FSIP1: variants seen among roughly 807,000 people sequenced by gnomAD.
The protein encoded by FSIP1 is fibrous sheath interacting protein 1.
Under a neutral mutation model 60.9 loss-of-function variants are expected in FSIP1, and 65 were observed. That is an observed-to-expected ratio of 1.07 (90% CI 0.87 to 1.31). FSIP1 has a LOEUF of 1.31. FSIP1 is among the 40% of genes most tolerant of loss of function. The pLI, the probability that FSIP1 is intolerant of heterozygous loss-of-function variation, is 0.00. For missense variants in FSIP1, 675 were observed against 665.5 expected (o/e 1.01, Z -0.16); for synonymous variants, 209 against 221.2 (o/e 0.94, Z 0.49).
At chr15:39,708,102 G>A (rs78063612) in intron 10 of FSIP1, among the ~76,000 whole-genome samples, 2,513 of 152,278 alleles carry the variant, frequency 0.017, 55 homozygotes, top group African/African-American at 0.054. Context: ...TAACATCTCA[G>A]ATTGTCTCCA....
chr15:39,684,611 C>A (rs189352825), intron 10 of FSIP1, among the ~76,000 whole-genome samples: 5 of 152,280 alleles, frequency 3.3e-5, no homozygotes, highest in East Asian at 3.9e-4. Context: ...TTTAGAATGT[C>A]AAATCCTAAA....
chr15:39,656,267 T>C (rs972571039), intron 10 of FSIP1, among the ~76,000 whole-genome samples: 6 of 152,220 alleles, frequency 3.9e-5, no homozygotes, highest in Non-Finnish European at 8.8e-5. Flanking sequence ...GCCTTGAGTA[T>C]TGCATGGGCC....
chr15:39,658,519 G>A (rs1179597897), intron 10 of FSIP1, among the ~76,000 whole-genome samples: 1 of 151,888 alleles, frequency 6.6e-6, no homozygotes, highest in Non-Finnish European at 1.5e-5. Flanking sequence ...CAAAGTGCTG[G>A]GATTACAGGC....
Position 39,652,265 on chromosome 15 carries a change from T to C in FSIP1, c.1189-34020A>G, listed in dbSNP as rs151096126. Among the ~76,000 whole-genome samples the C allele has an allele frequency of 9.8e-5, 15 of 152,382 alleles. No homozygotes were observed. The East Asian group carries it at 2.3e-3, about 23-fold the overall frequency. The stretch of plus-strand genomic sequence containing the variant: ...AGTGCTATTCAAGAATGAAGTTTAA[T>C]TCTCAGTCCTTTGGAATACAACTTC... On this transcript the variant is annotated intron_variant, in intron 10 of 11. Coordinates refer to ENST00000350221, the MANE Select transcript of FSIP1 (RefSeq NM_152597.5).
intron 10 of FSIP1, among the ~76,000 whole-genome samples, chr15:39,619,311 T>C (rs1225522233): frequency 6.6e-6 from 1 of 152,198 alleles, no homozygotes; most frequent in African/African-American, 2.4e-5. Flanking sequence ...AAAAATATTG[T>C]TTAAAATTAT....
At chr15:39,649,348 T>C (rs1256324109) in intron 10 of FSIP1, among the ~76,000 whole-genome samples, 2 of 152,248 alleles carry the variant, frequency 1.3e-5, no homozygotes. Context: ...AAATATATTT[T>C]AGTCATAAAG....
intron 5 of FSIP1, among the ~76,000 whole-genome samples, chr15:39,750,056 A>G (rs1359363385): frequency 1.3e-5 from 2 of 152,022 alleles, no homozygotes; most frequent in Non-Finnish European, 2.9e-5. Flanking sequence ...AATCTCATTT[A>G]TGATAGCATC....
intron 10 of FSIP1, among the ~76,000 whole-genome samples, chr15:39,696,377 A>G (rs548632885): frequency 1.3e-5 from 2 of 152,336 alleles, no homozygotes; most frequent in African/African-American, 4.8e-5. Context: ...CTGCCAATAA[A>G]CAACTGAAAA....
chr15:39,637,368 C>G (rs898807310), intron 10 of FSIP1, among the ~76,000 whole-genome samples: 1 of 152,110 alleles, frequency 6.6e-6, no homozygotes, highest in Admixed American at 6.5e-5. Context: ...ATGGAAGGTA[C>G]TGGAAAACAA....
At chr15:39,716,664 A>G (rs891281300) in intron 9 of FSIP1, among the ~76,000 whole-genome samples, 1 of 152,212 alleles carries the variant, frequency 6.6e-6, no homozygotes, top group African/African-American at 2.4e-5. Flanking sequence ...TTAAACCACA[A>G]TGAGACACTA....
chr15:39,611,516 A>G (rs1274288786), intron 11 of FSIP1, among the ~76,000 whole-genome samples: 2 of 152,210 alleles, frequency 1.3e-5, no homozygotes, highest in Non-Finnish European at 2.9e-5. Context: ...AGTTGCACAA[A>G]ATATAAAAGG....
At chr15:39,656,824 A>G (rs8042068) in intron 10 of FSIP1, among the ~76,000 whole-genome samples, 119,609 of 152,158 alleles carry the variant, frequency 0.79, 47,923 homozygotes, top group Non-Finnish European at 0.87. Context: ...TAAGAACAAG[A>G]CAATCATTTA....
At chr15:39,648,179 AG>A (rs894133099) in intron 10 of FSIP1, among the ~76,000 whole-genome samples, 11 of 149,434 alleles carry the variant, frequency 7.4e-5, no homozygotes, top group African/African-American at 2.2e-4. Flanking sequence ...AAAAAAAAAA[AG>A]AAAAAAAAAG....
chr15:39,733,729 CTT>C (rs1446511642), intron 8 of FSIP1, among the ~76,000 whole-genome samples: 2 of 152,266 alleles, frequency 1.3e-5, no homozygotes, highest in East Asian at 3.9e-4. Context: ...AGGACAGTCT[CTT>C]TGCTTTTTAC....
intron 3 of FSIP1, among the ~76,000 whole-genome samples, chr15:39,769,002 G>A (rs1022660838): frequency 1.7e-4 from 26 of 152,306 alleles, no homozygotes; most frequent in African/African-American, 5.3e-4. Context: ...TCTAAGGGCC[G>A]GGCGCGGTGG....
intron 10 of FSIP1, among the ~76,000 whole-genome samples, chr15:39,631,327 CTT>C (rs1566860188): frequency 6.6e-6 from 1 of 152,106 alleles, no homozygotes; most frequent in Non-Finnish European, 1.5e-5. Context: ...CCCCACATGA[CTT>C]TGTATGACAA....
chr15:39,718,263 CAT>C (rs59826408), intron 9 of FSIP1, among the ~76,000 whole-genome samples: 2,285 of 151,708 alleles, frequency 0.015, 57 homozygotes, highest in African/African-American at 0.053. Context: ...CACACACACA[CAT>C]ATATATACAC....
At chr15:39,758,662 C>T (rs1897380900) in intron 5 of FSIP1, among the ~76,000 whole-genome samples, 2 of 152,000 alleles carry the variant, frequency 1.3e-5, no homozygotes, top group East Asian at 3.9e-4. Context: ...AAAAGCAGTT[C>T]ATAAGCTATA....
intron 11 of FSIP1, among the ~76,000 whole-genome samples, chr15:39,616,679 G>A (rs1891242915): frequency 6.6e-6 from 1 of 152,212 alleles, no homozygotes; most frequent in South Asian, 2.1e-4. Flanking sequence ...TCAGATCATG[G>A]AGACACTGAA....
Sources: gnomAD v4.1 joint callset for allele counts (sites outside exome capture counted in the v4.1 genomes callset) on GRCh38, gnomAD v4.1.1 for gene constraint, MANE v1.5 for transcripts, NCBI Gene and HGNC (gene_info 2026-07-23, HGNC 2026-07-21) for gene names.